The following LRRC4C variants were observed in gnomAD, a reference collection of about 807,000 sequenced individuals.
LRRC4C encodes the protein leucine rich repeat containing 4C.
LRRC4C carries 5 observed loss-of-function variants against 33.6 expected under a neutral mutation model. The ratio of observed to expected loss-of-function variants is 0.15; its 90% CI spans 0.08 to 0.31. The LOEUF (loss-of-function observed/expected upper bound fraction) is 0.31, where lower values mean the gene tolerates loss of function less well. Ranked by LOEUF, LRRC4C falls within the 10% of genes least tolerant of loss-of-function variation. The pLI is 1.00. For missense variants in LRRC4C, 560 were observed against 796.7 expected (o/e 0.70, Z 3.58); for synonymous variants, 329 against 302.0 (o/e 1.09, Z -0.93).
intron 3 of LRRC4C, among the ~76,000 whole-genome samples, chr11:40,426,737 AG>A (rs1327320262): frequency 2.0e-5 from 3 of 152,228 alleles, no homozygotes; most frequent in Admixed American, 6.5e-5. Context: ...GAATAGTTCC[AG>A]GTATAGAGAA....
At chr11:41,186,873 T>A (rs7948835) in intron 1 of LRRC4C, among the ~76,000 whole-genome samples, 28,045 of 152,112 alleles carry the variant, frequency 0.18, 3,069 homozygotes, top group African/African-American at 0.3. Flanking sequence ...TAGCTTACTG[T>A]TTCTCAATCT....
intron 3 of LRRC4C, among the ~76,000 whole-genome samples, chr11:40,452,852 T>TA (rs1393542960): frequency 1.3e-5 from 2 of 152,130 alleles, no homozygotes; most frequent in South Asian, 4.2e-4. Flanking sequence ...TATGCAGCCA[T>TA]AAAAAATGAT....
intron 2 of LRRC4C, among the ~76,000 whole-genome samples, chr11:40,760,608 C>T (rs1050775015): frequency 2.6e-5 from 4 of 151,048 alleles, no homozygotes; most frequent in Non-Finnish European, 4.4e-5. Context: ...GAATAAACTT[C>T]CTTTTTTATT....
intron 1 of LRRC4C, among the ~76,000 whole-genome samples, chr11:40,968,990 A>T (rs1288420739): frequency 6.6e-6 from 1 of 152,162 alleles, no homozygotes; most frequent in Non-Finnish European, 1.5e-5. Flanking sequence ...TCTTTAATGG[A>T]TCTTGGGAGA....
intron 5 of LRRC4C, among the ~76,000 whole-genome samples, chr11:40,161,857 G>T (rs1208261072): frequency 6.6e-6 from 1 of 152,218 alleles, no homozygotes; most frequent in East Asian, 1.9e-4. Flanking sequence ...CTAGGAGAAT[G>T]AAACACAGTG....
At chr11:41,113,174 T>C (rs1045929669) in intron 1 of LRRC4C, among the ~76,000 whole-genome samples, 5 of 152,048 alleles carry the variant, frequency 3.3e-5, no homozygotes, top group Non-Finnish European at 7.4e-5. Context: ...TATAAGTCAG[T>C]ATTTTTTTTT....
intron 1 of LRRC4C, among the ~76,000 whole-genome samples, chr11:41,342,934 T>C (rs1951687285): frequency 2.0e-5 from 3 of 152,216 alleles, no homozygotes; most frequent in Non-Finnish European, 4.4e-5. Context: ...AGTCTCTATA[T>C]GAGGACTTTT....
At chr11:40,778,940 C>G (rs567889846) in intron 2 of LRRC4C, among the ~76,000 whole-genome samples, 2 of 152,098 alleles carry the variant, frequency 1.3e-5, no homozygotes, top group Non-Finnish European at 2.9e-5. Context: ...GCAATGGAAA[C>G]CTGTTGCAGC....
At chr11:40,301,173 AAAGT>A (rs1237090561) in intron 4 of LRRC4C, among the ~76,000 whole-genome samples, 1 of 152,208 alleles carries the variant, frequency 6.6e-6, no homozygotes, top group Non-Finnish European at 1.5e-5. Flanking sequence ...GGAGTGACTT[AAAGT>A]AATAAGAAGA....
intron 2 of LRRC4C, among the ~76,000 whole-genome samples, chr11:40,885,770 C>T (rs1485921806): frequency 6.6e-6 from 1 of 152,092 alleles, no homozygotes; most frequent in Non-Finnish European, 1.5e-5. Context: ...TATCATTCAA[C>T]AACATATCCA....
At chr11:40,847,342 G>GT (rs1339092481) in intron 2 of LRRC4C, among the ~76,000 whole-genome samples, 1 of 152,058 alleles carries the variant, frequency 6.6e-6, no homozygotes, top group Non-Finnish European at 1.5e-5. Context: ...TTTATTGAAT[G>GT]TTTTTTAGCA....
intron 2 of LRRC4C, among the ~76,000 whole-genome samples, chr11:40,917,275 CAGATAGTATATCACTAAG>C (rs1957001794): frequency 6.6e-6 from 1 of 152,068 alleles, no homozygotes; most frequent in African/African-American, 2.4e-5. Flanking sequence ...ATTTGTGACT[CAGATAGTATATCACTAAG>C]AGATTTCCTG....
At chr11:41,279,428 A>ACCCCCC (rs1555134481) in intron 1 of LRRC4C, among the ~76,000 whole-genome samples, 1,697 of 140,848 alleles carry the variant, frequency 0.012, 36 homozygotes, top group East Asian at 0.042. Flanking sequence ...ACACACACAC[A>ACCCCCC]CCGTGGCAAT....
intron 1 of LRRC4C, among the ~76,000 whole-genome samples, chr11:41,215,755 C>T (rs1010003627): frequency 6.6e-6 from 1 of 152,120 alleles, no homozygotes; most frequent in East Asian, 1.9e-4. Flanking sequence ...ATCCATTCAT[C>T]TCTCGATAGA....
At chr11:40,241,240 G>A (rs1270511882) in intron 5 of LRRC4C, among the ~76,000 whole-genome samples, 1 of 152,010 alleles carries the variant, frequency 6.6e-6, no homozygotes, top group Non-Finnish European at 1.5e-5. Flanking sequence ...AAGTTAGCCA[G>A]GCATGGTAGT....
intron 1 of LRRC4C, among the ~76,000 whole-genome samples, chr11:40,954,894 G>T (rs1156356551): frequency 6.6e-6 from 1 of 151,772 alleles, no homozygotes; most frequent in Non-Finnish European, 1.5e-5. Context: ...CTGTTGGTTT[G>T]TACACATTTC....
intron 2 of LRRC4C, among the ~76,000 whole-genome samples, chr11:40,852,857 T>C (rs1053632985): frequency 3.3e-5 from 5 of 152,158 alleles, no homozygotes; most frequent in African/African-American, 1.2e-4. Flanking sequence ...TCATGATAAA[T>C]TGAAAACACT....
chr11:40,996,194 G>A (rs766510248), intron 1 of LRRC4C, among the ~76,000 whole-genome samples: 77 of 152,076 alleles, frequency 5.1e-4, no homozygotes, highest in Admixed American at 5.9e-4. Context: ...AGCATCAGAG[G>A]CATTAGGCAG....
intron 3 of LRRC4C, among the ~76,000 whole-genome samples, chr11:40,548,416 G>C (rs1957009054): frequency 6.6e-6 from 1 of 151,956 alleles, no homozygotes; most frequent in Admixed American, 6.6e-5. Context: ...GGAAGATGAG[G>C]AAAAATACAG....
Sources: allele counts gnomAD v4.1 joint callset (sites outside exome capture counted in the v4.1 genomes callset), GRCh38; gene constraint gnomAD v4.1.1; transcripts MANE v1.5; gene names NCBI Gene and HGNC (gene_info 2026-07-23, HGNC 2026-07-21).